Variants in GRID2 observed in about 807,000 individuals in gnomAD.
GRID2 encodes the protein glutamate receptor ionotropic, delta-2.
GRID2 carries 33 observed loss-of-function variants against 114.8 expected under a neutral mutation model. The ratio of observed to expected loss-of-function variants is 0.29; its 90% CI spans 0.22 to 0.38. The LOEUF (loss-of-function observed/expected upper bound fraction) is 0.38. GRID2 is among the 10% of genes least tolerant of loss of function. The probability of loss-of-function intolerance (pLI) is 1.00; values close to 1 mark genes in which losing one functional copy is unlikely to be tolerated. For synonymous variants in GRID2, 505 were observed against 449.9 expected (o/e 1.12, Z -1.55); for missense variants, 1,184 against 1,257.7 (o/e 0.94, Z 0.89).
At chr4:93,670,081 T>C (rs1724278514) in intron 14 of GRID2, among the ~76,000 whole-genome samples, 1 of 152,192 alleles carries the variant, frequency 6.6e-6, no homozygotes, top group Admixed American at 6.5e-5. Flanking sequence ...TACACATAGA[T>C]ACTAGTAAAG....
chr4:92,411,055 A>G (rs1214107021), intron 1 of GRID2, among the ~76,000 whole-genome samples: 1 of 152,150 alleles, frequency 6.6e-6, no homozygotes, highest in African/African-American at 2.4e-5. Flanking sequence ...GTGTTTATGG[A>G]TATGTAGCAC....
chr4:93,226,422 G>C (rs967321619), intron 7 of GRID2, among the ~76,000 whole-genome samples: 1 of 152,082 alleles, frequency 6.6e-6, no homozygotes, highest in Non-Finnish European at 1.5e-5. Context: ...AACAATAACT[G>C]GTCCTAAGTA....
At chr4:92,748,529 A>G (rs1737267863) in intron 2 of GRID2, among the ~76,000 whole-genome samples, 1 of 152,012 alleles carries the variant, frequency 6.6e-6, no homozygotes, top group Admixed American at 6.6e-5. Context: ...CTTTCACAGT[A>G]TATTGTCCAA....
intron 2 of GRID2, among the ~76,000 whole-genome samples, chr4:93,009,918 C>G (rs1023330618): frequency 6.6e-6 from 1 of 151,942 alleles, no homozygotes; most frequent in African/African-American, 2.4e-5. Flanking sequence ...AGTGCTTTAC[C>G]TTTAGTTTTC....
chr4:93,041,411 A>G (rs75202851), intron 2 of GRID2, among the ~76,000 whole-genome samples: 1,925 of 152,238 alleles, frequency 0.013, 72 homozygotes, highest in East Asian at 0.085. Flanking sequence ...TGTTAATACC[A>G]TTACTTAGGT....
chr4:93,199,347 T>C (rs570299977), intron 4 of GRID2, among the ~76,000 whole-genome samples: 29 of 152,284 alleles, frequency 1.9e-4, no homozygotes, highest in Non-Finnish European at 2.4e-4. Flanking sequence ...TTCAATAATA[T>C]AGAACACAGG....
chr4:92,961,909 C>T (rs1343174024), intron 2 of GRID2, among the ~76,000 whole-genome samples: 2 of 151,468 alleles, frequency 1.3e-5, no homozygotes, highest in Non-Finnish European at 2.9e-5. Context: ...TTGAAATATC[C>T]TTAAGCTCAG....
At chr4:92,491,123 T>C (rs540649964) in intron 1 of GRID2, among the ~76,000 whole-genome samples, 1 of 152,278 alleles carries the variant, frequency 6.6e-6, no homozygotes, top group South Asian at 2.1e-4. Flanking sequence ...CTGGCATTTT[T>C]CCCTAACATA....
At chr4:93,058,410 T>C (rs931555008) in intron 2 of GRID2, among the ~76,000 whole-genome samples, 1 of 152,030 alleles carries the variant, frequency 6.6e-6, no homozygotes, top group Non-Finnish European at 1.5e-5. Context: ...TTTTTCACTA[T>C]TTTCCTACTC....
intron 2 of GRID2, chr4:92,885,022 A>T: frequency 3.8e-6 from 1 of 265,452 alleles, no homozygotes. Context: ...TACAGAAACA[A>T]GCTGAAAAAC....
At chr4:93,606,153 G>T (rs1027841430) in intron 13 of GRID2, among the ~76,000 whole-genome samples, 2 of 152,268 alleles carry the variant, frequency 1.3e-5, no homozygotes, top group South Asian at 4.2e-4. Context: ...TATAGTCCCA[G>T]CTACTTGGGA....
chr4:93,617,598 T>G (rs1741806028), intron 13 of GRID2, among the ~76,000 whole-genome samples: 1 of 152,136 alleles, frequency 6.6e-6, no homozygotes, highest in African/African-American at 2.4e-5. Context: ...TTCAGCGATA[T>G]TCGGGTCATG....
At chr4:93,141,953 A>G (rs1735807072) in intron 4 of GRID2, among the ~76,000 whole-genome samples, 1 of 152,234 alleles carries the variant, frequency 6.6e-6, no homozygotes, top group Admixed American at 6.5e-5. Flanking sequence ...AATATTTAAA[A>G]CAAAATACTG....
intron 12 of GRID2, among the ~76,000 whole-genome samples, chr4:93,504,075 A>G (rs1728395834): frequency 6.6e-6 from 1 of 152,100 alleles, no homozygotes; most frequent in South Asian, 2.1e-4. Context: ...AAATTAGCCT[A>G]CACTTATTCA....
intron 1 of GRID2, among the ~76,000 whole-genome samples, chr4:92,324,169 A>G (rs1308267526): frequency 2.0e-5 from 3 of 151,948 alleles, no homozygotes; most frequent in Non-Finnish European, 4.4e-5. Flanking sequence ...TGCAGTGAAT[A>G]TATCATCCTC....
At chr4:93,682,943 A>G (rs1364963356) in intron 14 of GRID2, among the ~76,000 whole-genome samples, 1 of 151,916 alleles carries the variant, frequency 6.6e-6, no homozygotes, top group Non-Finnish European at 1.5e-5. Context: ...ATAATAAAAA[A>G]AAAAGAAAGA....
intron 1 of GRID2, among the ~76,000 whole-genome samples, chr4:92,391,238 G>C (rs576305542): frequency 6.6e-6 from 1 of 152,202 alleles, no homozygotes; most frequent in East Asian, 1.9e-4. Context: ...TCATCAGACT[G>C]TTTCAAGGAG....
Position 93,515,412 on chromosome 4 carries a change from G to T in GRID2, c.2193+1G>T. ...GGAGTCCCAGGCAGGCATTCAAAAG[G>T]TACTGTCCATGGTTCTCCTTTAATA... On this transcript the variant is annotated splice_donor_variant, in intron 13 of 15. Coordinates refer to ENST00000282020, the MANE Select transcript of GRID2 (RefSeq NM_001510.4). LOFTEE classifies it high-confidence loss of function. The T allele has an allele frequency of 6.3e-7, 1 of 1,594,728 alleles. No individual in the cohort carries two copies. Among genetic ancestry groups the T allele is most frequent in the Non-Finnish European group, 8.6e-7 (1 of 1,163,248 alleles).
rs770773435 is a variant in GRID2, at chr4:93,772,138, C to T, written c.2664C>T (p.Asp888=). 1.4e-5 allele frequency: 23 copies of T among 1,612,068 alleles called. No individual in the cohort carries two copies. Among genetic ancestry groups the T allele is most frequent in the East Asian group, 2.2e-5 (1 of 44,868 alleles). ...GTGTAAATAGCTTGTGCACAGATGACGACAGCCCCCATAAACAGTTTTCCA... is the reference window on the plus strand; with the variant it reads ...GTGTAAATAGCTTGTGCACAGATGATGACAGCCCCCATAAACAGTTTTCCA... The part of the protein sequence containing the change: ...HRRVNSLCTD[D]DSPHKQFSTS... The change falls in exon 16 of 16, where the codon GAC becomes GAT. Residue 888 remains aspartate (D), a synonymous_variant. Transcript: ENST00000282020.
Sources: allele counts gnomAD v4.1 joint callset (sites outside exome capture counted in the v4.1 genomes callset), GRCh38; gene constraint gnomAD v4.1.1; transcripts MANE v1.5; gene names NCBI Gene and HGNC (gene_info 2026-07-23, HGNC 2026-07-21).